GTF2F2: variants seen among roughly 807,000 people sequenced by gnomAD.
GTF2F2 encodes the protein general transcription factor IIF subunit 2.
GTF2F2 carries 23 observed loss-of-function variants against 42.2 expected under a neutral mutation model. That is an observed-to-expected ratio of 0.55 (90% confidence interval 0.39 to 0.77). GTF2F2 has a LOEUF of 0.77. Ranked by LOEUF, GTF2F2 falls within the 30% of genes least tolerant of loss-of-function variation. The pLI is 0.00. For synonymous variants in GTF2F2, 105 were observed against 100.8 expected (o/e 1.04, Z -0.25); for missense variants, 261 against 287.2 (o/e 0.91, Z 0.66).
At chr13:45,228,020 T>C (rs1874450280) in intron 5 of GTF2F2, among the ~76,000 whole-genome samples, 1 of 152,130 alleles carries the variant, frequency 6.6e-6, no homozygotes, top group South Asian at 2.1e-4. Context: ...TGGTTGCTAG[T>C]CTGTCTTGCC....
At chr13:45,201,603 A>T (rs1382855172) in intron 4 of GTF2F2, among the ~76,000 whole-genome samples, 1 of 152,198 alleles carries the variant, frequency 6.6e-6, no homozygotes, top group Non-Finnish European at 1.5e-5. Flanking sequence ...TGTGCTTTAT[A>T]TACATAACCT....
At chr13:45,121,147 A>C (rs1237647885) in intron 1 of GTF2F2, among the ~76,000 whole-genome samples, 1 of 152,144 alleles carries the variant, frequency 6.6e-6, no homozygotes, top group Non-Finnish European at 1.5e-5. Context: ...GTCCCTGCCT[A>C]CTCTTAAAAG....
chr13:45,206,039 G>A (rs1194519890), intron 4 of GTF2F2, among the ~76,000 whole-genome samples: 2 of 151,826 alleles, frequency 1.3e-5, no homozygotes, highest in African/African-American at 4.8e-5. Context: ...TTTAATGAGA[G>A]GAAATTATTT....
intron 5 of GTF2F2, among the ~76,000 whole-genome samples, chr13:45,244,387 A>G (rs2138237558): frequency 6.6e-6 from 1 of 152,342 alleles, no homozygotes; most frequent in East Asian, 1.9e-4. Flanking sequence ...GAGATGATAT[A>G]GGAAAAGTTC....
intron 4 of GTF2F2, among the ~76,000 whole-genome samples, chr13:45,158,690 A>C (rs1018409110): frequency 3.3e-5 from 5 of 152,200 alleles, no homozygotes; most frequent in Non-Finnish European, 7.3e-5. Flanking sequence ...GCAGTAGGTT[A>C]GCTCGTTTTG....
intron 4 of GTF2F2, among the ~76,000 whole-genome samples, chr13:45,152,119 T>C (rs918363486): frequency 3.3e-5 from 5 of 152,066 alleles, no homozygotes; most frequent in African/African-American, 4.8e-5. Flanking sequence ...TTCTCCATGT[T>C]GGTCAGGCTG....
chr13:45,217,952 T>G (rs2138201462), intron 5 of GTF2F2, among the ~76,000 whole-genome samples: 1 of 152,352 alleles, frequency 6.6e-6, no homozygotes, highest in South Asian at 2.1e-4. Context: ...TGAATGGGCA[T>G]AAGTCAAACT....
chr13:45,153,310 G>T (rs1209123232), intron 4 of GTF2F2, among the ~76,000 whole-genome samples: 1 of 152,038 alleles, frequency 6.6e-6, no homozygotes, highest in Non-Finnish European at 1.5e-5. Context: ...GAGCCACCGG[G>T]CCCGGCCGAA....
rs140914784 is a variant in GTF2F2 at position 45,219,958 on chromosome 13, G to A, written c.386+12453G>A. Among the ~76,000 whole-genome samples, 41 of 152,298 alleles carry A rather than the reference G, an allele frequency of 2.7e-4. 1 individual carries two copies. In the East Asian group the frequency reaches 6.5e-3, roughly 24 times the overall value. On this transcript the variant is annotated intron_variant, in intron 5 of 7. Transcript: ENST00000340473. ...ACGGGAAAGGATGACATATATGGGC[G>A]TGGTGAGGTTACATAAAACAAAATA...
intron 2 of GTF2F2, among the ~76,000 whole-genome samples, chr13:45,138,634 G>A (rs1869757557): frequency 6.6e-6 from 1 of 152,140 alleles, no homozygotes. Context: ...ATTATGATGT[G>A]AGTGAAGATC....
intron 2 of GTF2F2, among the ~76,000 whole-genome samples, chr13:45,144,913 T>C (rs1163141690): frequency 6.6e-6 from 1 of 152,216 alleles, no homozygotes; most frequent in Non-Finnish European, 1.5e-5. Context: ...TGGCAACATA[T>C]ATGTGTGTGT....
chr13:45,201,034 G>A lies in GTF2F2; in HGVS notation c.305-6390G>A, dbSNP rs563998138. 8.5e-5 allele frequency among the ~76,000 whole-genome samples: 13 copies of A among 152,286 alleles called. No individual in the cohort carries two copies. In the South Asian group the frequency reaches 2.7e-3, roughly 32 times the overall value. The stretch of plus-strand genomic sequence containing the variant: ...CATTCAGCTGGATCCAGAAGGTCTT[G>A]TGGAAATGAATGAGTGTAACTTCCT... On this transcript the variant is annotated intron_variant, in intron 4 of 7. Transcript: ENST00000340473.
chr13:45,244,916 G>A (rs1194249005), intron 5 of GTF2F2, among the ~76,000 whole-genome samples: 1 of 152,088 alleles, frequency 6.6e-6, no homozygotes, highest in Non-Finnish European at 1.5e-5. Context: ...AAGTGATTCG[G>A]CCTCCCAAAA....
At chr13:45,176,169 C>A (rs1000336231) in intron 4 of GTF2F2, among the ~76,000 whole-genome samples, 1 of 152,132 alleles carries the variant, frequency 6.6e-6, no homozygotes, top group Non-Finnish European at 1.5e-5. Context: ...GCTATAATTT[C>A]TAAGTGTGGA....
intron 4 of GTF2F2, among the ~76,000 whole-genome samples, chr13:45,163,640 T>G (rs1566119453): frequency 6.6e-6 from 1 of 152,244 alleles, no homozygotes; most frequent in Non-Finnish European, 1.5e-5. Context: ...TCATTTCCTT[T>G]GGCTTTTTCA....
intron 2 of GTF2F2, among the ~76,000 whole-genome samples, chr13:45,140,584 A>T (rs1440541417): frequency 2.6e-5 from 4 of 152,216 alleles, no homozygotes; most frequent in African/African-American, 4.8e-5. Flanking sequence ...ATTTAAGTTT[A>T]TAAGATGAAC....
rs117212495 is a variant in GTF2F2, at chr13:45,126,690, C to T, written c.66+5969C>T. 5.9e-4 allele frequency among the ~76,000 whole-genome samples: 90 copies of T among 152,246 alleles called. No individual in the cohort carries two copies. In the East Asian group the frequency reaches 8.3e-3, roughly 14 times the overall value. On this transcript the variant is annotated intron_variant, in intron 1 of 7. Coordinates refer to ENST00000340473, the MANE Select transcript of GTF2F2 (RefSeq NM_004128.3). ...CATGGTATATATACTGTGTAAACTA[C>T]GACTTATAGCCCAGTATAGGAGACA...
rs748817501 is a variant in GTF2F2, at chr13:45,207,497, A to G, written c.378A>G (p.Arg126=). The G allele has an allele frequency of 6.2e-7, 1 of 1,602,896 alleles. No individual in the cohort carries two copies. ...CRPAASENYM[R]LKRLQIEESS... ...CAGCTGCCAGTGAAAACTACATGCG[A>G]TTAAAAAGGTTGGTGTTTTGTAACT... The change falls in exon 5 of 8, where the codon CGA becomes CGG. Residue 126 remains arginine (R), a synonymous_variant. Transcript: ENST00000340473.
intron 4 of GTF2F2, among the ~76,000 whole-genome samples, chr13:45,177,646 A>G (rs1170986433): frequency 1.3e-5 from 2 of 152,178 alleles, no homozygotes; most frequent in African/African-American, 2.4e-5. Flanking sequence ...AAAGTATGAG[A>G]GTAGTGATGC....
Sources: allele counts gnomAD v4.1 joint callset (sites outside exome capture counted in the v4.1 genomes callset), GRCh38; gene constraint gnomAD v4.1.1; transcripts MANE v1.5; gene names NCBI Gene and HGNC (gene_info 2026-07-23, HGNC 2026-07-21).